Variants in HIKESHI observed in about 807,000 individuals in gnomAD.
The protein encoded by HIKESHI is heat shock protein nuclear import factor hikeshi.
HIKESHI carries 13 observed loss-of-function variants against 25.7 expected under a neutral mutation model. That is an observed-to-expected ratio of 0.51 (90% CI 0.33 to 0.80). The LOEUF (loss-of-function observed/expected upper bound fraction) is 0.80. HIKESHI is among the 30% of genes least tolerant of loss of function. The pLI, the probability that HIKESHI is intolerant of heterozygous loss-of-function variation, is 0.02. For synonymous variants in HIKESHI, 76 were observed against 78.7 expected (o/e 0.97, Z 0.18); for missense variants, 174 against 229.5 (o/e 0.76, Z 1.56).
rs1481769890 is a variant in HIKESHI, at chr11:86,307,637, TTA to T, written c.268+1162_268+1163del. On this transcript the variant is annotated intron_variant, in intron 2 of 4. Coordinates refer to ENST00000278483, the MANE Select transcript of HIKESHI (RefSeq NM_016401.4). ...AAATATATATTATGTGTAGTATACA[TTA>T]TATATAAAATATATATTATGTGTAG... Among the ~76,000 whole-genome samples, 45 of 91,002 alleles carry T rather than the reference TTA, an allele frequency of 4.9e-4. 3 individuals carry two copies. The highest frequency in any genetic ancestry group is 7.0e-4 in the African/African-American group (18 of 25,560). 59.7% of individuals were successfully genotyped at this position (91,002 alleles called of 152,430 possible). A position where few individuals can be genotyped will look rare whatever the true frequency, so the allele number is the denominator to read the frequency against.
At chr11:86,309,784 C>T (rs1162917904) in intron 2 of HIKESHI, among the ~76,000 whole-genome samples, 2 of 152,200 alleles carry the variant, frequency 1.3e-5, no homozygotes, top group African/African-American at 4.8e-5. Context: ...CAGCTTTCTA[C>T]ATATGGCTAG....
intron 2 of HIKESHI, among the ~76,000 whole-genome samples, chr11:86,334,845 G>T (rs1228928329): frequency 6.6e-6 from 1 of 152,160 alleles, no homozygotes; most frequent in Non-Finnish European, 1.5e-5. Flanking sequence ...TCCCCATGTT[G>T]CCCAGGCTGG....
chr11:86,340,160 T>C (rs1947687083), intron 3 of HIKESHI, among the ~76,000 whole-genome samples: 1 of 152,238 alleles, frequency 6.6e-6, no homozygotes, highest in Admixed American at 6.5e-5. Flanking sequence ...TTGGTGGACA[T>C]TTGGGTTGGT....
chr11:86,335,532 G>T (rs1037506068), intron 2 of HIKESHI, among the ~76,000 whole-genome samples: 21 of 152,126 alleles, frequency 1.4e-4, no homozygotes, highest in African/African-American at 4.8e-4. Flanking sequence ...TTAAGTCTCC[G>T]CACAAGCAGG....
chr11:86,313,320 T>TCC (rs1946884688), intron 2 of HIKESHI, among the ~76,000 whole-genome samples: 1 of 152,204 alleles, frequency 6.6e-6, no homozygotes, highest in Admixed American at 6.5e-5. Context: ...AATCTCCACC[T>TCC]CCCGGGTTCA....
At chr11:86,337,588 A>T in intron 3 of HIKESHI, 58 bp downstream of exon 3, 1 of 1,501,236 alleles carries the variant, frequency 6.7e-7, no homozygotes, top group South Asian at 1.3e-5. Context: ...TTAAGGTATA[A>T]TATACAAGTT....
At chr11:86,314,590 C>T (rs1946925494) in intron 2 of HIKESHI, among the ~76,000 whole-genome samples, 1 of 151,922 alleles carries the variant, frequency 6.6e-6, no homozygotes, top group Non-Finnish European at 1.5e-5. Flanking sequence ...TATTGCACTC[C>T]AGCCTGGGTG....
At chr11:86,306,844 A>T (rs1438530589) in intron 2 of HIKESHI, among the ~76,000 whole-genome samples, 2 of 151,366 alleles carry the variant, frequency 1.3e-5, no homozygotes. Context: ...TAAAAAATAA[A>T]AAAAAATTAG....
At chr11:86,306,607 T>C (rs1424338005) in intron 2 of HIKESHI, 125 bp downstream of exon 2, 1 of 597,062 alleles carries the variant, frequency 1.7e-6, no homozygotes, top group African/African-American at 1.9e-5. Flanking sequence ...ATACAAAACA[T>C]TGTTTTTTAA....
At chr11:86,312,852 A>G (rs1305655609) in intron 2 of HIKESHI, among the ~76,000 whole-genome samples, 3 of 152,164 alleles carry the variant, frequency 2.0e-5, no homozygotes, top group Non-Finnish European at 2.9e-5. Context: ...TCTGGGTTGA[A>G]AATTCTTTTC....
chr11:86,344,511 AC>A (rs1947817694), intron 3 of HIKESHI, 91 bp from the exon 4 acceptor site: 3 of 803,468 alleles, frequency 3.7e-6, no homozygotes, highest in Non-Finnish European at 5.8e-6. Context: ...CTCCCTATAA[AC>A]AAGTTAATGT....
intron 1 of HIKESHI, chr11:86,303,486 A>G (rs1593795256): frequency 1.3e-6 from 1 of 780,148 alleles, no homozygotes; most frequent in African/African-American, 1.9e-5. Flanking sequence ...CCTGCTCTTA[A>G]TAGGGAAAAA....
At chr11:86,344,842 C>A in intron 4 of HIKESHI, 121 bp downstream of exon 4, 1 of 712,722 alleles carries the variant, frequency 1.4e-6, no homozygotes, top group Non-Finnish European at 2.4e-6. Flanking sequence ...ATCAGCACTG[C>A]ATGCCATTAA....
At chr11:86,308,382 A>G (rs1946737909) in intron 2 of HIKESHI, among the ~76,000 whole-genome samples, 1 of 140,570 alleles carries the variant, frequency 7.1e-6, no homozygotes, top group Non-Finnish European at 1.5e-5. Context: ...TGTATTATAT[A>G]TAAAAAATAT....
At chr11:86,341,567 T>G (rs566366242) in intron 3 of HIKESHI, among the ~76,000 whole-genome samples, 1 of 151,162 alleles carries the variant, frequency 6.6e-6, no homozygotes, top group East Asian at 2.0e-4. Context: ...CAATCACAGC[T>G]CACTGCAGCC....
At position 86,306,434 on chromosome 11, in the gene HIKESHI, A is replaced by G. The variant is rs1392117727; in HGVS notation, c.220A>G (p.Thr74Ala). ...MPVWQLLGFV[T>A]NGKPSAIFKI... is the part of the protein sequence containing the mutation. ...AGTATGGCAACTCCTAGGATTTGTC[A>G]CGAATGGGAAGCCAAGTGCCATCTT... The change falls in exon 2 of 5, where the codon ACG becomes GCG. Residue 74 changes from threonine to alanine, a missense_variant. Thr to Ala is a moderately conservative substitution (Grantham distance 58). Coordinates refer to ENST00000278483, the MANE Select transcript of HIKESHI (RefSeq NM_016401.4). The G allele has an allele frequency of 1.2e-6, 2 of 1,613,706 alleles. No individual in the cohort carries two copies. The highest frequency in any genetic ancestry group is 2.7e-5 in the African/African-American group (2 of 74,940).
intron 3 of HIKESHI, among the ~76,000 whole-genome samples, chr11:86,340,189 T>A (rs1280964730): frequency 6.6e-6 from 1 of 152,228 alleles, no homozygotes; most frequent in African/African-American, 2.4e-5. Context: ...TTTGCTATTG[T>A]GAATAGTGCC....
intron 3 of HIKESHI, among the ~76,000 whole-genome samples, chr11:86,342,478 CGTGTGTGTGTGTGTGTGTGT>C (rs34980731): frequency 0.36 from 52,469 of 147,270 alleles, 9,499 homozygotes; most frequent in African/African-American, 0.41. Context: ...TAAAGATGTT[CGTGTGTGTGTGTGTGTGTGT>C]GTGTGTGTGT....
At chr11:86,326,778 A>C (rs1025825188) in intron 2 of HIKESHI, 7 of 292,398 alleles carry the variant, frequency 2.4e-5, no homozygotes, top group South Asian at 2.1e-4. Flanking sequence ...AGTGACAGTG[A>C]GGAGGAGACT....
Sources: gnomAD v4.1 joint callset for allele counts (sites outside exome capture counted in the v4.1 genomes callset) on GRCh38, gnomAD v4.1.1 for gene constraint, MANE v1.5 for transcripts, NCBI Gene and HGNC (gene_info 2026-07-23, HGNC 2026-07-21) for gene names.